The following CFAP144 variants were observed in gnomAD, a reference collection of about 807,000 sequenced individuals.
CFAP144 encodes cilia- and flagella-associated protein 144.
the CFAP144 span, chr1:43,145,115 T>C: frequency 1.5e-6 from 1 of 686,646 alleles, no homozygotes; most frequent in East Asian, 2.7e-5. Flanking sequence ...GAGATTTCCT[T>C]TTTTTTGACA....
the CFAP144 span, among the ~76,000 whole-genome samples, chr1:43,150,139 T>C: frequency 1.3e-5 from 2 of 152,198 alleles, no homozygotes; most frequent in African/African-American, 4.8e-5. Context: ...CTGTTCTCTA[T>C]CACACTTACA....
At chr1:43,147,818 C>T in the CFAP144 span, 2 of 1,511,212 alleles carry the variant, frequency 1.3e-6, no homozygotes, top group Non-Finnish European at 1.8e-6. Flanking sequence ...GAGTGAGACC[C>T]GCCCCGACCG....
At chr1:43,145,517 T>C in the CFAP144 span, among the ~76,000 whole-genome samples, 1 of 152,194 alleles carries the variant, frequency 6.6e-6, no homozygotes. Flanking sequence ...GGTCCCTCCA[T>C]TGTGCTCTCA....
At chr1:43,147,908 A>C in the CFAP144 span, 4 of 1,608,328 alleles carry the variant, frequency 2.5e-6, no homozygotes, top group Non-Finnish European at 3.4e-6. Context: ...TTGCCTGGAG[A>C]CTGTGGAAGG....
chr1:43,148,083 G>C, the CFAP144 span: 1 of 1,612,084 alleles, frequency 6.2e-7, no homozygotes, highest in South Asian at 1.1e-5. Context: ...CCCTCCGCAA[G>C]AGTGAGAGGC....
the CFAP144 span, among the ~76,000 whole-genome samples, chr1:43,143,721 A>G: frequency 6.6e-6 from 1 of 152,216 alleles, no homozygotes. Context: ...AGTTAAGAGT[A>G]AGTCATCAAA....
At chr1:43,153,739 A>T in the CFAP144 span, among the ~76,000 whole-genome samples, 1 of 151,594 alleles carries the variant, frequency 6.6e-6, no homozygotes, top group Non-Finnish European at 1.5e-5. Context: ...TCCTTGTTTG[A>T]TTGGAAGGGC....
the CFAP144 span, among the ~76,000 whole-genome samples, chr1:43,147,185 G>A: frequency 1.3e-5 from 2 of 152,198 alleles, no homozygotes; most frequent in Admixed American, 1.3e-4. Context: ...GTATCTAGCA[G>A]ACTCAAATTC....
the CFAP144 span, among the ~76,000 whole-genome samples, chr1:43,143,686 G>A: frequency 6.6e-6 from 1 of 152,194 alleles, no homozygotes; most frequent in African/African-American, 2.4e-5. Context: ...CATCCTGCCA[G>A]TCTCAGCCCT....
chr1:43,153,095 T>A, the CFAP144 span: 2 of 848,382 alleles, frequency 2.4e-6, no homozygotes, highest in Non-Finnish European at 3.6e-6. Flanking sequence ...TTAATTGTTG[T>A]AAAATGGAGC....
chr1:43,147,733 T>C, the CFAP144 span: 9 of 1,410,552 alleles, frequency 6.4e-6, no homozygotes, highest in East Asian at 7.9e-5. Flanking sequence ...AGTGCCAGAA[T>C]AGGGCGGGGC....
chr1:43,154,007 T>C, the CFAP144 span, among the ~76,000 whole-genome samples: 1 of 148,140 alleles, frequency 6.8e-6, no homozygotes, highest in African/African-American at 2.4e-5. Context: ...AACTATTCTA[T>C]ATTTTTCTCT....
At chr1:43,143,856 A>G in the CFAP144 span, among the ~76,000 whole-genome samples, 1 of 138,656 alleles carries the variant, frequency 7.2e-6, no homozygotes, top group African/African-American at 3.0e-5. Context: ...GCTTTGCGCC[A>G]TTCTGTGCTC....
chr1:43,143,947 C>G, the CFAP144 span, among the ~76,000 whole-genome samples: 2 of 152,220 alleles, frequency 1.3e-5, no homozygotes, highest in African/African-American at 4.8e-5. Context: ...ACTTCATTCT[C>G]TGGTCTTCAC....
At chr1:43,154,446 A>G in the CFAP144 span, among the ~76,000 whole-genome samples, 1 of 133,712 alleles carries the variant, frequency 7.5e-6, no homozygotes, top group Non-Finnish European at 1.5e-5. Flanking sequence ...GTATACATAT[A>G]TACGCACCTA....
chr1:43,156,221 C>A, the CFAP144 span: 1 of 1,613,950 alleles, frequency 6.2e-7, no homozygotes, highest in Non-Finnish European at 8.5e-7. Flanking sequence ...CCCAGAACGC[C>A]ATGACCGCAG....
chr1:43,150,600 C>T, the CFAP144 span, among the ~76,000 whole-genome samples: 1 of 152,210 alleles, frequency 6.6e-6, no homozygotes, highest in Non-Finnish European at 1.5e-5. Flanking sequence ...TTCTTGAGGG[C>T]CTTATCCAAT....
chr1:43,148,162 T>G, the CFAP144 span: 1 of 1,463,308 alleles, frequency 6.8e-7, no homozygotes, highest in Non-Finnish European at 9.3e-7. Flanking sequence ...GGTTGCGGGG[T>G]GGGAACGCGG....
chr1:43,146,731 G>T, the CFAP144 span, among the ~76,000 whole-genome samples: 1,118 of 152,352 alleles, frequency 7.3e-3, 9 homozygotes, highest in African/African-American at 0.025. Context: ...CTGAGCGAAT[G>T]AATGGATGGA....
Sources: allele counts gnomAD v4.1 joint callset (sites outside exome capture counted in the v4.1 genomes callset), GRCh38; gene constraint gnomAD v4.1.1; transcripts MANE v1.5; gene names NCBI Gene and HGNC (gene_info 2026-07-23, HGNC 2026-07-21).